The following MDFIC variants were observed in gnomAD, a reference collection of about 807,000 sequenced individuals.
MDFIC encodes the protein myoD family inhibitor domain-containing protein.
MDFIC carries 17 observed loss-of-function variants against 23.2 expected under a neutral mutation model. The observed-to-expected ratio is 0.73, with a 90% CI of 0.50 to 1.10. MDFIC has a LOEUF of 1.10. Ranked by LOEUF, MDFIC falls within the 50% of genes least tolerant of loss-of-function variation. The probability of loss-of-function intolerance (pLI) is 0.00; values close to 1 mark genes in which losing one functional copy is unlikely to be tolerated. For missense variants in MDFIC, 356 were observed against 316.6 expected (o/e 1.12, Z -0.95); for synonymous variants, 120 against 115.2 (o/e 1.04, Z -0.27).
chr7:115,006,159 A>G (rs917128442), intron 4 of MDFIC, among the ~76,000 whole-genome samples: 1 of 152,186 alleles, frequency 6.6e-6, no homozygotes, highest in Non-Finnish European at 1.5e-5. Flanking sequence ...GGAGTCCTAC[A>G]GGAACAGTCA....
chr7:114,976,171 TA>T (rs1365698040), intron 3 of MDFIC, among the ~76,000 whole-genome samples: 1 of 152,150 alleles, frequency 6.6e-6, no homozygotes, highest in Non-Finnish European at 1.5e-5. Context: ...TTTTATTTAC[TA>T]AAAATATTTA....
chr7:114,998,622 T>C (rs1022917301), intron 4 of MDFIC, among the ~76,000 whole-genome samples: 7 of 152,180 alleles, frequency 4.6e-5, no homozygotes, highest in African/African-American at 1.7e-4. Context: ...GTACTTCTTA[T>C]AATACTATAT....
rs953118619 is a variant in MDFIC, at chr7:115,019,238, A to G, written c.*3303A>G. 1 of 152,172 alleles carries G rather than the reference A, an allele frequency of 6.6e-6. No homozygotes were observed. Among genetic ancestry groups the G allele is most frequent in the South Asian group, 2.1e-4 (1 of 4,828 alleles). The allele number at this position is 152,172 out of a possible 1,614,324, so 9.4% of individuals were successfully genotyped here. A position where few individuals can be genotyped will look rare whatever the true frequency, so the allele number is the denominator to read the frequency against. ...GCATAGAGTGGCGAAATTTTTGTAAATGCTCGCAGTTAGCATCTAACTAAA... is the reference window on the plus strand; with the variant it reads ...GCATAGAGTGGCGAAATTTTTGTAAGTGCTCGCAGTTAGCATCTAACTAAA... On this transcript the variant is annotated 3_prime_UTR_variant, in exon 5 of 5. Coordinates refer to ENST00000393486, the MANE Select transcript of MDFIC (RefSeq NM_001166345.3).
intron 4 of MDFIC, among the ~76,000 whole-genome samples, chr7:114,982,049 G>T (rs541950807): frequency 2.6e-5 from 4 of 152,164 alleles, no homozygotes; most frequent in Non-Finnish European, 5.9e-5. Context: ...GTTTGGATTA[G>T]ATAATTTTAA....
intron 4 of MDFIC, among the ~76,000 whole-genome samples, chr7:114,997,115 C>A (rs1054691016): frequency 5.9e-5 from 9 of 152,046 alleles, no homozygotes; most frequent in African/African-American, 2.2e-4. Context: ...GTGTTGTGAT[C>A]GGGCTAGAGT....
At chr7:115,009,715 C>T (rs1010851588) in intron 4 of MDFIC, among the ~76,000 whole-genome samples, 3 of 152,196 alleles carry the variant, frequency 2.0e-5, no homozygotes, top group Non-Finnish European at 4.4e-5. Flanking sequence ...GGCCAGCTGC[C>T]TAAGCGTAAC....
chr7:114,980,555 A>AT (rs1280232031), intron 4 of MDFIC, among the ~76,000 whole-genome samples: 1 of 152,080 alleles, frequency 6.6e-6, no homozygotes, highest in Non-Finnish European at 1.5e-5. Context: ...TACATGATTC[A>AT]TTGTATTATA....
chr7:114,989,956 C>T (rs1384056538), intron 4 of MDFIC, among the ~76,000 whole-genome samples: 1 of 151,964 alleles, frequency 6.6e-6, no homozygotes, highest in African/African-American at 2.4e-5. Context: ...TCATAAGGCC[C>T]TTAATTGAAT....
At chr7:114,975,054 A>AC (rs1156978239) in intron 3 of MDFIC, among the ~76,000 whole-genome samples, 2 of 152,016 alleles carry the variant, frequency 1.3e-5, no homozygotes, top group African/African-American at 2.4e-5. Flanking sequence ...TATCAAGAAT[A>AC]CTTTTTTTTT....
rs10528546 is a variant in MDFIC, at chr7:115,007,630, GTA to G, written c.494-8032_494-8031del. On this transcript the variant is annotated intron_variant, in intron 4 of 4. Transcript: ENST00000393486. ...CTATCTATCTAGTGTGCGTGTGTGT[GTA>G]TATATATATATATATATATATATAT... Among the ~76,000 whole-genome samples the G allele has an allele frequency of 7.5e-3, 992 of 132,914 alleles. 22 individuals carry two copies. Among genetic ancestry groups the G allele is most frequent in the African/African-American group, 0.026 (846 of 32,536 alleles). The allele number at this position is 132,914 out of a possible 152,430, so 87.2% of individuals were successfully genotyped here.
intron 3 of MDFIC, among the ~76,000 whole-genome samples, chr7:114,947,151 A>T (rs1350764623): frequency 1.3e-5 from 2 of 152,196 alleles, no homozygotes; most frequent in Non-Finnish European, 2.9e-5. Flanking sequence ...GCCCCTAGAT[A>T]ACTATGACCT....
At chr7:114,965,232 G>T (rs571409510) in intron 3 of MDFIC, among the ~76,000 whole-genome samples, 2 of 152,334 alleles carry the variant, frequency 1.3e-5, no homozygotes, top group East Asian at 3.9e-4. Context: ...GAGAAATTCA[G>T]TGTAGCTAGA....
At position 115,015,938 on chromosome 7, in the gene MDFIC, A is replaced by G. The variant is rs370885257; in HGVS notation, c.*3A>G. 1.2e-5 allele frequency: 20 copies of G among 1,609,136 alleles called. No individual in the cohort carries two copies. Among genetic ancestry groups the G allele is most frequent in the South Asian group, 3.3e-5 (3 of 90,574 alleles). ...GTGGAATTTGTTTTCCTTCATAAAT[A>G]TTTATCTTTTGTTTGTGTTAAAACT... On this transcript the variant is annotated 3_prime_UTR_variant, in exon 5 of 5. Transcript: ENST00000393486.
At chr7:115,002,615 C>T (rs1791486488) in intron 4 of MDFIC, among the ~76,000 whole-genome samples, 1 of 152,234 alleles carries the variant, frequency 6.6e-6, no homozygotes, top group East Asian at 1.9e-4. Context: ...GCAACTCTCC[C>T]TCCCCCTCAG....
At chr7:115,005,240 A>T (rs1374108838) in intron 4 of MDFIC, among the ~76,000 whole-genome samples, 2 of 152,236 alleles carry the variant, frequency 1.3e-5, no homozygotes, top group Non-Finnish European at 2.9e-5. Flanking sequence ...AAGACCAGAA[A>T]GCTGGTTTTA....
intron 4 of MDFIC, among the ~76,000 whole-genome samples, chr7:114,998,528 C>T (rs973898867): frequency 4.6e-5 from 7 of 152,014 alleles, no homozygotes; most frequent in Admixed American, 3.9e-4. Context: ...ACATGATTTA[C>T]CTTTTGGAAA....
At chr7:114,964,494 C>T (rs200462100) in intron 3 of MDFIC, among the ~76,000 whole-genome samples, 64,120 of 148,346 alleles carry the variant, frequency 0.43, 14,565 homozygotes, top group Admixed American at 0.58. Context: ...CCCTCCCCTC[C>T]CCTTCCCTTC....
intron 3 of MDFIC, among the ~76,000 whole-genome samples, chr7:114,959,881 A>G (rs1055342601): frequency 6.6e-6 from 1 of 151,848 alleles, no homozygotes; most frequent in African/African-American, 2.4e-5. Flanking sequence ...GTGAAAATAA[A>G]AGAATGGCTA....
At chr7:114,966,443 G>C (rs1793098169) in intron 3 of MDFIC, among the ~76,000 whole-genome samples, 2 of 150,444 alleles carry the variant, frequency 1.3e-5, no homozygotes, top group Non-Finnish European at 3.0e-5. Flanking sequence ...CACCAAACTG[G>C]GAGATGTCAT....
Sources: gnomAD v4.1 joint callset for allele counts (sites outside exome capture counted in the v4.1 genomes callset) on GRCh38, gnomAD v4.1.1 for gene constraint, MANE v1.5 for transcripts, NCBI Gene and HGNC (gene_info 2026-07-23, HGNC 2026-07-21) for gene names.